BBS9: variants seen among roughly 807,000 people sequenced by gnomAD.
BBS9 encodes protein PTHB1.
Under a neutral mutation model 117.7 loss-of-function variants are expected in BBS9, and 89 were observed. The observed-to-expected ratio is 0.76, with a 90% CI of 0.64 to 0.90. The LOEUF (loss-of-function observed/expected upper bound fraction) is 0.90, where lower values mean the gene tolerates loss of function less well. Ranked by LOEUF, BBS9 falls within the 40% of genes least tolerant of loss-of-function variation. BBS9 has a pLI of 0.00. For synonymous variants in BBS9, 379 were observed against 370.9 expected (o/e 1.02, Z -0.25); for missense variants, 982 against 1,042.2 (o/e 0.94, Z 0.80).
chr7:33,474,042 C>G (rs1584952151), intron 19 of BBS9, among the ~76,000 whole-genome samples: 1 of 152,152 alleles, frequency 6.6e-6, no homozygotes, highest in Non-Finnish European at 1.5e-5. Flanking sequence ...ATCACAAATT[C>G]AAATGATTAA....
intron 5 of BBS9, among the ~76,000 whole-genome samples, chr7:33,217,253 A>C (rs889048963): frequency 6.6e-6 from 1 of 151,920 alleles, no homozygotes. Flanking sequence ...ATATAAGAAA[A>C]TTAGATGAAA....
intron 20 of BBS9, among the ~76,000 whole-genome samples, chr7:33,519,338 T>C (rs1341616387): frequency 6.6e-6 from 1 of 152,168 alleles, no homozygotes; most frequent in Non-Finnish European, 1.5e-5. Context: ...ATGTGACCCC[T>C]TGTGTTGTAT....
At chr7:33,331,677 CCA>C (rs971731692) in intron 9 of BBS9, among the ~76,000 whole-genome samples, 3 of 129,114 alleles carry the variant, frequency 2.3e-5, no homozygotes, top group Non-Finnish European at 5.1e-5. Flanking sequence ...AAAAAAAAAA[CCA>C]CACACACACA....
chr7:33,427,721 GTATTT>G (rs1434297219), intron 19 of BBS9, among the ~76,000 whole-genome samples: 2 of 152,034 alleles, frequency 1.3e-5, no homozygotes, highest in African/African-American at 4.8e-5. Flanking sequence ...CAGGATTTTG[GTATTT>G]TATTCTGAAA....
intron 21 of BBS9, among the ~76,000 whole-genome samples, chr7:33,624,360 C>T (rs940107216): frequency 2.6e-5 from 4 of 152,178 alleles, no homozygotes; most frequent in Non-Finnish European, 2.9e-5. Flanking sequence ...TATTACCACA[C>T]AGTGGCCACA....
At chr7:33,375,988 C>T (rs191576989) in intron 17 of BBS9, among the ~76,000 whole-genome samples, 132 of 152,062 alleles carry the variant, frequency 8.7e-4, no homozygotes, top group Middle Eastern at 3.4e-3. Context: ...TTTAAAGTTA[C>T]TGAAAATATC....
At chr7:33,608,919 T>G (rs1296288957), downstream of BBS9, among the ~76,000 whole-genome samples, 1 of 152,154 alleles carries the variant, frequency 6.6e-6, no homozygotes, top group African/African-American at 2.4e-5. Flanking sequence ...GACTTACTCA[T>G]AAGTTGTTTC....
intron 19 of BBS9, among the ~76,000 whole-genome samples, chr7:33,424,203 G>T (rs1045571180): frequency 8.5e-5 from 13 of 152,146 alleles, no homozygotes; most frequent in African/African-American, 2.7e-4. Context: ...AGGTGATTAT[G>T]GAAGAATATA....
intron 21 of BBS9, among the ~76,000 whole-genome samples, chr7:33,560,731 A>G (rs1229944083): frequency 2.6e-5 from 4 of 152,178 alleles, no homozygotes; most frequent in Non-Finnish European, 5.9e-5. Context: ...CACCCCAGAA[A>G]GATAGATGTT....
At chr7:33,614,535 A>C (rs966240766) in intron 21 of BBS9, among the ~76,000 whole-genome samples, 1 of 152,102 alleles carries the variant, frequency 6.6e-6, no homozygotes, top group South Asian at 2.1e-4. Flanking sequence ...TCAGAGGGCA[A>C]ACCACTGCCC....
intron 21 of BBS9, among the ~76,000 whole-genome samples, chr7:33,551,978 T>G (rs775289142): frequency 4.6e-5 from 7 of 152,138 alleles, no homozygotes; most frequent in Non-Finnish European, 8.8e-5. Flanking sequence ...CCACAGTTTT[T>G]GAAGTTTTCT....
intron 21 of BBS9, among the ~76,000 whole-genome samples, chr7:33,537,112 A>C (rs1851567728): frequency 6.6e-6 from 1 of 152,152 alleles, no homozygotes; most frequent in Non-Finnish European, 1.5e-5. Context: ...TGAGGTAACG[A>C]AGGTCTAAGA....
At position 33,214,441 on chromosome 7, in the gene BBS9, G is replaced by C. The variant is rs1203058738; in HGVS notation, c.442+36850G>C. ...TGGTCATCTGATTTTTGGTTATACTGTGATATGAAGTTAAAACTAGTTAAA... is the reference window on the plus strand; with the variant it reads ...TGGTCATCTGATTTTTGGTTATACTCTGATATGAAGTTAAAACTAGTTAAA... On this transcript the variant is annotated intron_variant, in intron 5 of 22. Transcript: ENST00000242067. 2.0e-5 allele frequency among the ~76,000 whole-genome samples: 3 copies of C among 152,190 alleles called. No homozygotes were observed. The East Asian group carries it at 5.8e-4, about 29-fold the overall frequency.
Position 33,454,214 on chromosome 7 carries a change from C to G in BBS9, c.2116-51249C>G, listed in dbSNP as rs113349689. On this transcript the variant is annotated intron_variant, in intron 19 of 22. Transcript: ENST00000242067. ...GCTTTGGGCTTTAAATAACTGAAAC[C>G]CAACTTAGATTGGCTTAAACAATAA... 3.9e-4 allele frequency among the ~76,000 whole-genome samples: 60 copies of G among 152,278 alleles called. 1 individual carries two copies. The highest frequency in any genetic ancestry group is 1.4e-3 in the African/African-American group (57 of 41,546).
intron 1 of BBS9, among the ~76,000 whole-genome samples, chr7:33,141,939 C>CT (rs918787593): frequency 3.2e-4 from 47 of 146,830 alleles, no homozygotes; most frequent in Middle Eastern, 3.5e-3. Context: ...GTTTTAAATT[C>CT]TTTTTTTTTT....
intron 9 of BBS9, among the ~76,000 whole-genome samples, chr7:33,331,394 A>G (rs1374767237): frequency 1.3e-5 from 2 of 152,232 alleles, no homozygotes; most frequent in African/African-American, 4.8e-5. Flanking sequence ...ACTTTTATTC[A>G]ACATAGTACT....
chr7:33,178,030 T>C (rs1167026779), intron 5 of BBS9, among the ~76,000 whole-genome samples: 2 of 152,204 alleles, frequency 1.3e-5, no homozygotes, highest in Non-Finnish European at 2.9e-5. Flanking sequence ...ACTGTCTCTC[T>C]CAGTGGAAAA....
At position 33,540,389 on chromosome 7, in the gene BBS9, C is replaced by T. The variant is rs1389849207; in HGVS notation, c.2521+6213C>T. On this transcript the variant is annotated intron_variant, in intron 21 of 22. Coordinates refer to ENST00000242067, the MANE Select transcript of BBS9 (RefSeq NM_198428.3). ...GGATAGGCCTTTCTATGTAAGTTAG[C>T]AGAGGCAATAAACAGAAGACTGAGC... 3.3e-5 allele frequency among the ~76,000 whole-genome samples: 5 copies of T among 152,240 alleles called. No individual in the cohort carries two copies. In the East Asian group the frequency reaches 9.6e-4, roughly 29 times the overall value.
At chr7:33,287,479 G>A (rs969746821) in intron 9 of BBS9, among the ~76,000 whole-genome samples, 1 of 152,094 alleles carries the variant, frequency 6.6e-6, no homozygotes, top group Non-Finnish European at 1.5e-5. Context: ...AGTCATTTTT[G>A]GAATTCTAAC....
Sources: allele counts gnomAD v4.1 joint callset (sites outside exome capture counted in the v4.1 genomes callset), GRCh38; gene constraint gnomAD v4.1.1; transcripts MANE v1.5; gene names NCBI Gene and HGNC (gene_info 2026-07-23, HGNC 2026-07-21).